ZNF48: variants seen among roughly 807,000 people sequenced by gnomAD.
ZNF48 encodes zinc finger protein 553.
Under a neutral mutation model 40.0 loss-of-function variants are expected in ZNF48, and 20 were observed. That is an observed-to-expected ratio of 0.50 (90% CI 0.35 to 0.73). The LOEUF (loss-of-function observed/expected upper bound fraction) is 0.73, where lower values mean the gene tolerates loss of function less well. Among genes scored for constraint, ZNF48 ranks in the 30% least tolerant of loss-of-function variants. ZNF48 has a pLI of 0.01. For missense variants in ZNF48, 726 were observed against 851.9 expected (o/e 0.85, Z 1.84); for synonymous variants, 298 against 329.7 (o/e 0.90, Z 1.04).
At chr16:30,380,812 C>A in intron 1 of ZNF48, 1 of 390,274 alleles carries the variant, frequency 2.6e-6, no homozygotes, top group South Asian at 2.8e-5. Context: ...GAGATATAAG[C>A]AGAAACAGTG....
chr16:30,392,863 T>C (rs538443852), upstream of ZNF48, among the ~76,000 whole-genome samples: 1 of 152,248 alleles, frequency 6.6e-6, no homozygotes, highest in African/African-American at 2.4e-5. Flanking sequence ...CAACTCCATA[T>C]CCTATTGGGC....
Position 30,398,553 on chromosome 16 carries a change from G to T in ZNF48, c.1303G>T (p.Gly435Cys). ...GCCTGGCTTGGAGCCAGAGCCTGGG[G>T]GCCCACAGGCTGGGGAGCCACCCCC... ...GLPGLEPEPG[G>C]PQAGEPPPPL... The change falls in exon 3 of 3, where the codon GGC becomes TGC. Residue 435 changes from glycine to cysteine, a missense_variant. This residue lies in a region of ZNF48 where 378 missense variants were observed against 449.1 expected (regional missense o/e 0.84). Coordinates refer to ENST00000613509, the MANE Select transcript of ZNF48 (RefSeq NM_001214909.2). This position sits in a 1 kb window ranked among gnomAD's most constrained non-coding sequence, Gnocchi z 6.6. 1 of 1,609,840 alleles carries T rather than the reference G, an allele frequency of 6.2e-7. No individual in the cohort carries two copies. Among genetic ancestry groups the T allele is most frequent in the Non-Finnish European group, 8.5e-7 (1 of 1,178,520 alleles).
chr16:30,383,015 C>A, intron 1 of ZNF48: 1 of 568,020 alleles, frequency 1.8e-6, no homozygotes, highest in Admixed American at 3.0e-5. Flanking sequence ...TCTACCATCT[C>A]TACAAAACAT....
chr16:30,392,084 G>A (rs1313851406), upstream of ZNF48, among the ~76,000 whole-genome samples: 1 of 152,110 alleles, frequency 6.6e-6, no homozygotes, highest in African/African-American at 2.4e-5. Flanking sequence ...GCGCAGTGGC[G>A]CGATCTCGGC....
upstream of ZNF48, chr16:30,395,338 C>A: frequency 2.2e-6 from 1 of 452,642 alleles, no homozygotes; most frequent in Non-Finnish European, 4.4e-6. This position sits in a 1 kb window ranked among gnomAD's most constrained non-coding sequence, Gnocchi z 5.9. Context: ...GAGCTACCGC[C>A]GACGCGGGCG....
In ZNF48 at chr16:30,397,760, C is replaced by T. The variant is rs539012229; in HGVS notation, c.510C>T (p.Ala170=). The part of the protein sequence containing the change: ...RTHSGEKPYR[A]RPPAQGPPKI... ...ATAGTGGGGAGAAGCCCTATAGAGC[C>T]CGGCCACCAGCCCAGGGTCCCCCAA... Residue 170 remains alanine (A), a synonymous_variant, in exon 3 of 3, where the codon GCC becomes GCT. Coordinates refer to ENST00000613509, the MANE Select transcript of ZNF48 (RefSeq NM_001214909.2). This position sits in a 1 kb window ranked among gnomAD's most constrained non-coding sequence, Gnocchi z 4.1. The T allele has an allele frequency of 9.3e-6, 15 of 1,613,460 alleles. No homozygotes were observed. In the South Asian group the frequency reaches 1.4e-4, roughly 15 times the overall value.
chr16:30,397,243 G>A lies in ZNF48; in HGVS notation c.80-87G>A. ...ATTGGGGTTCCTGTGACCACAGATT[G>A]TCAAGGGAGTCTTCCTGGAGAGGTT... On this transcript the variant is annotated intron_variant, in intron 2 of 2. Transcript: ENST00000613509. This position sits in a 1 kb window ranked among gnomAD's most constrained non-coding sequence, Gnocchi z 4.1. 1 of 1,238,264 alleles carries A rather than the reference G, an allele frequency of 8.1e-7. No homozygotes were observed. Among genetic ancestry groups the A allele is most frequent in the East Asian group, 2.3e-5 (1 of 42,782 alleles). The allele number at this position is 1,238,264 out of a possible 1,614,324, so 76.7% of individuals were successfully genotyped here.
chr16:30,380,842 C>G (rs1460236281), intron 1 of ZNF48: 6 of 471,570 alleles, frequency 1.3e-5, no homozygotes, highest in Non-Finnish European at 2.3e-5. Context: ...TCTGAAGACA[C>G]GGGGTGGGGG....
At chr16:30,392,537 A>G (rs8060853), upstream of ZNF48, among the ~76,000 whole-genome samples, 113,803 of 152,128 alleles carry the variant, frequency 0.75, 43,548 homozygotes, top group East Asian at 0.92. Context: ...CACTCCAGGC[A>G]GAGTCTGGAC....
At chr16:30,394,093 C>G (rs529518738), upstream of ZNF48, among the ~76,000 whole-genome samples, 1 of 151,522 alleles carries the variant, frequency 6.6e-6, no homozygotes, top group South Asian at 2.1e-4. Context: ...TACAGTGGCA[C>G]GATCCACGAT....
chr16:30,380,853 C>T, intron 1 of ZNF48: 1 of 494,616 alleles, frequency 2.0e-6, no homozygotes, highest in Non-Finnish European at 3.7e-6. Context: ...GGGGTGGGGG[C>T]CAGAGGGAAG....
At chr16:30,379,799 G>A (rs999632089) in intron 1 of ZNF48, 4 of 639,310 alleles carry the variant, frequency 6.3e-6, no homozygotes, top group African/African-American at 1.8e-5. Flanking sequence ...TAGAGGTGGG[G>A]TCTCGCCATG....
chr16:30,381,117 T>A lies in ZNF48; in HGVS notation c.-16+2707T>A. ...ACATGGGGTCAAAGGTCAGAGGTCA[T>A]CACTCACACCTTCTGCTTGAGGGCC... On this transcript the variant is annotated intron_variant, in intron 1 of 2. Coordinates refer to the ZNF48 transcript ENST00000528032. This position sits in a 1 kb window ranked among gnomAD's most constrained non-coding sequence, Gnocchi z 4.3. 6.3e-7 allele frequency: 1 copy of A among 1,599,708 alleles called. No homozygotes were observed. The highest frequency in any genetic ancestry group is 8.6e-7 in the Non-Finnish European group (1 of 1,166,892).
At chr16:30,395,299 G>A (rs2049971079), upstream of ZNF48, 1 of 454,350 alleles carries the variant, frequency 2.2e-6, no homozygotes, top group African/African-American at 2.0e-5. The surrounding 1 kb of genome is among the most constrained non-coding windows in gnomAD (Gnocchi z 5.9). Context: ...AGTAGCCCCT[G>A]GGCCGCACGC....
chr16:30,381,154 G>C lies in ZNF48; in HGVS notation c.-16+2744G>C. ...TCTGCTTGAGGGCCTGGGTTTCCTG[G>C]GGCATCAGAGCATCCGCTTTGCCAA... On this transcript the variant is annotated intron_variant, in intron 1 of 2. Transcript: ENST00000528032. This position sits in a 1 kb window ranked among gnomAD's most constrained non-coding sequence, Gnocchi z 4.3. The C allele has an allele frequency of 6.2e-7, 1 of 1,614,056 alleles. No homozygotes were observed. The highest frequency in any genetic ancestry group is 8.5e-7 in the Non-Finnish European group (1 of 1,179,964).
intron 1 of ZNF48, chr16:30,379,708 G>A (rs2049815955): frequency 3.8e-6 from 2 of 522,178 alleles, no homozygotes; most frequent in Non-Finnish European, 6.5e-6. Flanking sequence ...GAGTGTTCAA[G>A]TGATTCTCCT....
chr16:30,380,797 C>G (rs766392687), intron 1 of ZNF48: 122 of 333,672 alleles, frequency 3.7e-4, no homozygotes, highest in Non-Finnish European at 1.4e-4. Flanking sequence ...AAAGAGAGGC[C>G]GAGAGAGATA....
At chr16:30,380,985 C>T in intron 1 of ZNF48, 1 of 754,882 alleles carries the variant, frequency 1.3e-6, no homozygotes, top group Non-Finnish European at 2.3e-6. Flanking sequence ...GGCGGCTTAC[C>T]ACCCGCCTTC....
At position 30,398,838 on chromosome 16, in the gene ZNF48, C is replaced by T. The variant is rs2050022575; in HGVS notation, c.1588C>T (p.Pro530Ser). 1 of 1,613,764 alleles carries T rather than the reference C, an allele frequency of 6.2e-7. No individual in the cohort carries two copies. ...PPGPVPMAPR[P>S]RVRAQPSGPS... ...TGGCCCAGTACCCATGGCCCCTCGACCCCGAGTTCGGGCCCAGCCTTCTGG... is the reference window on the plus strand; with the variant it reads ...TGGCCCAGTACCCATGGCCCCTCGATCCCGAGTTCGGGCCCAGCCTTCTGG... The change falls in exon 3 of 3, where the codon CCC (proline) becomes TCC (serine). Residue 530 changes from proline (P) to serine (S), a missense_variant. This residue lies in a region of ZNF48 where 166 missense variants were observed against 163.6 expected (regional missense o/e 1.01). Coordinates refer to ENST00000613509, the MANE Select transcript of ZNF48 (RefSeq NM_001214909.2). The surrounding 1 kb of genome is among the most constrained non-coding windows in gnomAD (Gnocchi z 6.6).
Sources: allele counts gnomAD v4.1 joint callset (sites outside exome capture counted in the v4.1 genomes callset), GRCh38; gene constraint gnomAD v4.1.1; regional missense constraint gnomAD v4.1.1; non-coding constraint Gnocchi (gnomAD v3.1); transcripts MANE v1.5; gene names NCBI Gene and HGNC (gene_info 2026-07-23, HGNC 2026-07-21).